Variants in CALCOCO1 observed in about 807,000 individuals in gnomAD.
CALCOCO1 encodes calcium-binding and coiled-coil domain-containing protein 1.
CALCOCO1 carries 44 observed loss-of-function variants against 86.3 expected under a neutral mutation model. That is an observed-to-expected ratio of 0.51 (90% CI 0.40 to 0.66). CALCOCO1 has a LOEUF of 0.66. Among genes scored for constraint, CALCOCO1 ranks in the 30% least tolerant of loss-of-function variants. CALCOCO1 has a pLI of 0.00. For missense variants in CALCOCO1, 708 were observed against 851.1 expected (o/e 0.83, Z 2.09); for synonymous variants, 297 against 327.6 (o/e 0.91, Z 1.01).
At position 53,711,812 on chromosome 12, in the gene CALCOCO1, G is replaced by A. The variant is rs1015365334; in HGVS notation, c.*132C>T. 5.3e-6 allele frequency: 4 copies of A among 761,094 alleles called. No homozygotes were observed. The highest frequency in any genetic ancestry group is 7.7e-6 in the Non-Finnish European group (4 of 517,388). The allele number at this position is 761,094 out of a possible 1,614,324, so 47.1% of individuals were successfully genotyped here. ...TCTTGGGATGAAAACAGGGCACACA[G>A]AAGCAGTTCTTAGGGAACAGAATAT... is the stretch of plus-strand genomic sequence containing the variant. On this transcript the variant is annotated 3_prime_UTR_variant, in exon 15 of 15. Coordinates refer to ENST00000550804, the MANE Select transcript of CALCOCO1 (RefSeq NM_020898.3).
intron 9 of CALCOCO1, 85 bp from the exon 10 acceptor site, chr12:53,715,410 G>T: frequency 6.6e-7 from 1 of 1,526,088 alleles, no homozygotes; most frequent in Non-Finnish European, 8.9e-7. Flanking sequence ...CCCTTACTGT[G>T]TCCTTTCCTT....
chr12:53,716,393 T>C lies in CALCOCO1; in HGVS notation c.872A>G (p.Gln291Arg), dbSNP rs1382139322. The C allele has an allele frequency of 1.2e-6, 2 of 1,614,184 alleles. No individual in the cohort carries two copies. The highest frequency in any genetic ancestry group is 1.7e-6 in the Non-Finnish European group (2 of 1,180,036). Reference protein sequence around the residue: ...QSEAELQVAQQENHHLNLDLK... With the variant: ...QSEAELQVAQRENHHLNLDLK... ...GTCCAAATTTAAGTGATGGTTCTCC[T>C]GTTGTGCCACTTGGAGCTCAGCCTG... is the stretch of plus-strand genomic sequence containing the variant. The change falls in exon 8 of 15, where the codon CAG becomes CGG. Residue 291 changes from glutamine (Q) to arginine (R), a missense_variant. Physicochemically the swap from Gln to Arg is conservative, Grantham distance 43 (BLOSUM62 1). Transcript: ENST00000550804.
chr12:53,722,969 A>G, intron 4 of CALCOCO1: 1 of 399,448 alleles, frequency 2.5e-6, no homozygotes, highest in Non-Finnish European at 4.8e-6. Context: ...AAAGAAAAGA[A>G]AAGAAAAGAA....
In CALCOCO1 at chr12:53,716,064, A is replaced by T. The variant is rs755636444; in HGVS notation, c.1006-17T>A. ...CAGCTCGGCCTCAGGAGAAAGGAGGAGATGGAGATCAGAGTTCCTAGTGAA... is the reference window on the plus strand; with the variant it reads ...CAGCTCGGCCTCAGGAGAAAGGAGGTGATGGAGATCAGAGTTCCTAGTGAA... On this transcript the variant is annotated splice_polypyrimidine_tract_variant and intron_variant, in intron 8 of 14. Transcript: ENST00000550804. The T allele has an allele frequency of 3.7e-6, 6 of 1,609,982 alleles. No individual in the cohort carries two copies. The highest frequency in any genetic ancestry group is 1.1e-5 in the South Asian group (1 of 91,070).
rs1593076728 is a variant in CALCOCO1, at chr12:53,713,875, T to C, written c.1617A>G (p.Ser539=). 6.6e-6 allele frequency: 10 copies of C among 1,525,208 alleles called. No individual in the cohort carries two copies. The East Asian group carries it at 2.0e-4, about 31-fold the overall frequency. 94.5% of individuals were successfully genotyped at this position (1,525,208 alleles called of 1,614,324 possible). ...GLSCPAALTD[S]EDESPEDMRL... is the part of the protein sequence containing the mutation. ...TCATGTCTTCTGGGGACTCGTCCTC[T>C]GAGTCTGTCAGAGCTGCCGGGCAGC... is the stretch of plus-strand genomic sequence containing the variant. The change falls in exon 13 of 15, where the codon TCA becomes TCG. Residue 539 remains serine, a synonymous_variant. Coordinates refer to ENST00000550804, the MANE Select transcript of CALCOCO1 (RefSeq NM_020898.3).
At chr12:53,714,486 G>T in intron 11 of CALCOCO1, 112 bp downstream of exon 11, 1 of 800,012 alleles carries the variant, frequency 1.2e-6, no homozygotes, top group Non-Finnish European at 2.1e-6. Flanking sequence ...CAGGGTACGG[G>T]CCCTCTTGGA....
chr12:53,711,231 C>T lies in CALCOCO1; in HGVS notation c.*713G>A. ...AGGGGGGCCTTGGAAATGGGGATACCTGGGACCACTTGTTCCCCCCATTCC... is the reference window on the plus strand; with the variant it reads ...AGGGGGGCCTTGGAAATGGGGATACTTGGGACCACTTGTTCCCCCCATTCC... On this transcript the variant is annotated 3_prime_UTR_variant, in exon 15 of 15. Coordinates refer to ENST00000550804, the MANE Select transcript of CALCOCO1 (RefSeq NM_020898.3). The T allele has an allele frequency of 2.5e-6, 1 of 398,972 alleles. No homozygotes were observed. The highest frequency in any genetic ancestry group is 4.4e-6 in the Non-Finnish European group (1 of 226,042). The allele number at this position is 398,972 out of a possible 1,614,324, so 24.7% of individuals were successfully genotyped here. A position where few individuals can be genotyped will look rare whatever the true frequency, so the allele number is the denominator to read the frequency against.
chr12:53,721,345 G>A, intron 6 of CALCOCO1, 122 bp downstream of exon 6: 1 of 855,006 alleles, frequency 1.2e-6, no homozygotes, highest in Non-Finnish European at 1.8e-6. Context: ...GCTTGAGTGA[G>A]GGTGAGAGGG....
chr12:53,715,087 C>T, intron 10 of CALCOCO1, 113 bp downstream of exon 10: 3 of 1,314,730 alleles, frequency 2.3e-6, no homozygotes, highest in Non-Finnish European at 3.1e-6. Flanking sequence ...GAAATGCCAC[C>T]CAACATGGTA....
chr12:53,716,793 C>T (rs1265390794), intron 7 of CALCOCO1, among the ~76,000 whole-genome samples: 2 of 152,216 alleles, frequency 1.3e-5, no homozygotes, highest in Non-Finnish European at 2.9e-5. Flanking sequence ...TCCAGGGTAC[C>T]AACTAGCTCC....
chr12:53,722,571 T>C (rs1008938508), intron 4 of CALCOCO1, among the ~76,000 whole-genome samples: 3 of 152,158 alleles, frequency 2.0e-5, no homozygotes, highest in African/African-American at 7.2e-5. Context: ...TTACTAGCTA[T>C]GTGATTTTTT....
chr12:53,721,942 C>G, intron 5 of CALCOCO1, 83 bp downstream of exon 5: 1 of 1,508,016 alleles, frequency 6.6e-7, no homozygotes, highest in Non-Finnish European at 9.2e-7. Flanking sequence ...ACTAACATCT[C>G]TCCTTCACCC....
chr12:53,709,034 A>G lies in CALCOCO1; in HGVS notation c.*2910T>C, dbSNP rs1444572608. 2 of 152,234 alleles carry G rather than the reference A, an allele frequency of 1.3e-5. No individual in the cohort carries two copies. The highest frequency in any genetic ancestry group is 1.9e-4 in the East Asian group (1 of 5,208). 9.4% of individuals were successfully genotyped at this position (152,234 alleles called of 1,614,324 possible). A position where few individuals can be genotyped will look rare whatever the true frequency, so the allele number is the denominator to read the frequency against. Reference sequence around the variant, plus strand: ...GGTAACAGGTGGCCATTGAGGTTCGATAAGTGGGGGAGTGGTGTGTTTGGA... The same window carrying G: ...GGTAACAGGTGGCCATTGAGGTTCGGTAAGTGGGGGAGTGGTGTGTTTGGA... On this transcript the variant is annotated 3_prime_UTR_variant, in exon 15 of 15. Transcript: ENST00000550804.
At chr12:53,714,512 G>T in intron 11 of CALCOCO1, 86 bp downstream of exon 11, 2 of 1,038,098 alleles carry the variant, frequency 1.9e-6, no homozygotes, top group Non-Finnish European at 3.0e-6. Context: ...CAGTTTCTAA[G>T]CCAAGAGATG....
chr12:53,716,171 T>C (rs1945720473), intron 8 of CALCOCO1, 89 bp downstream of exon 8: 2 of 1,585,742 alleles, frequency 1.3e-6, no homozygotes, highest in Non-Finnish European at 8.6e-7. Context: ...TCTTTAGCCA[T>C]GTCTCTCCCC....
At chr12:53,721,793 C>A in intron 5 of CALCOCO1, 178 bp from the exon 6 acceptor site, 1 of 831,526 alleles carries the variant, frequency 1.2e-6, no homozygotes, top group South Asian at 1.6e-5. Context: ...TGGCCACCTC[C>A]ACCTTACCCC....
intron 11 of CALCOCO1, 25 bp downstream of exon 11, chr12:53,714,573 C>T (rs377023980): frequency 1.1e-5 from 18 of 1,580,510 alleles, no homozygotes; most frequent in Middle Eastern, 1.7e-4. Flanking sequence ...GTGGCATCCA[C>T]GGGGCCTGGG....
At position 53,712,371 on chromosome 12, in the gene CALCOCO1, C is replaced by T. The variant is rs2120534063; in HGVS notation, c.1899-250G>A. On this transcript the variant is annotated intron_variant, in intron 14 of 14. Coordinates refer to ENST00000550804, the MANE Select transcript of CALCOCO1 (RefSeq NM_020898.3). ...GCAGAGCCCATCCCCCAGCCTCCTGCTCTCCTCCCTCCATCTCCGTCTGCT... is the reference window on the plus strand; with the variant it reads ...GCAGAGCCCATCCCCCAGCCTCCTGTTCTCCTCCCTCCATCTCCGTCTGCT... 6.9e-6 allele frequency: 3 copies of T among 433,004 alleles called. No homozygotes were observed. The East Asian group carries it at 1.2e-4, about 18-fold the overall frequency. The allele number at this position is 433,004 out of a possible 1,614,324, so 26.8% of individuals were successfully genotyped here. A position where few individuals can be genotyped will look rare whatever the true frequency, so the allele number is the denominator to read the frequency against.
Position 53,722,020 on chromosome 12 carries a change from C to A in CALCOCO1, c.609+5G>T. ...GCCCTGTCCCCTACCTGGCCCAGCT[C>A]CCACCTTGTACTGTTCCATCAGCTC... On this transcript the variant is annotated splice_donor_5th_base_variant and intron_variant, in intron 5 of 14. Coordinates refer to ENST00000550804, the MANE Select transcript of CALCOCO1 (RefSeq NM_020898.3). 2.5e-6 allele frequency: 4 copies of A among 1,612,588 alleles called. No individual in the cohort carries two copies. Among genetic ancestry groups the A allele is most frequent in the Non-Finnish European group, 3.4e-6 (4 of 1,180,024 alleles).
Sources: gnomAD v4.1 joint callset for allele counts (sites outside exome capture counted in the v4.1 genomes callset) on GRCh38, gnomAD v4.1.1 for gene constraint, MANE v1.5 for transcripts, NCBI Gene and HGNC (gene_info 2026-07-23, HGNC 2026-07-21) for gene names.